ADAMTS19: variants seen among roughly 807,000 people sequenced by gnomAD.
ADAMTS19 encodes A disintegrin and metalloproteinase with thrombospondin motifs 19.
In ADAMTS19, 93 loss-of-function variants were observed where a neutral mutation model predicts 153.3. The ratio of observed to expected loss-of-function variants is 0.61; its 90% CI spans 0.51 to 0.72. The LOEUF is 0.72. Ranked by LOEUF, ADAMTS19 falls within the 30% of genes least tolerant of loss-of-function variation. ADAMTS19 has a pLI of 0.00. For synonymous variants in ADAMTS19, 600 were observed against 556.6 expected (o/e 1.08, Z -1.10); for missense variants, 1,482 against 1,552.1 (o/e 0.95, Z 0.76).
At chr5:129,648,706 G>T (rs1464022861) in intron 12 of ADAMTS19, 92 bp from the exon 13 acceptor site, 1 of 992,294 alleles carries the variant, frequency 1.0e-6, no homozygotes. Context: ...AATATAAGGG[G>T]TTATATATTA....
In ADAMTS19 at chr5:129,602,824, C is replaced by CTGTGTG. The variant is rs763032232; in HGVS notation, c.1478+6161_1478+6162insGTGTGT. On this transcript the variant is annotated intron_variant, in intron 8 of 22. Transcript: ENST00000274487. The stretch of plus-strand genomic sequence containing the variant: ...CATTTTTGTATTGTTGTCTTATATT[C>CTGTGTG]TCTGTGTGTGTGTGTGTGTGTGTGT... Among the ~76,000 whole-genome samples the CTGTGTG allele has an allele frequency of 8.0e-5, 9 of 111,960 alleles. No individual in the cohort carries two copies. In the East Asian group the frequency reaches 9.9e-4, roughly 12 times the overall value. The allele number at this position is 111,960 out of a possible 152,430, so 73.5% of individuals were successfully genotyped here. A position where few individuals can be genotyped will look rare whatever the true frequency, so the allele number is the denominator to read the frequency against.
At chr5:129,534,340 C>T (rs1432599623) in intron 6 of ADAMTS19, among the ~76,000 whole-genome samples, 1 of 152,094 alleles carries the variant, frequency 6.6e-6, no homozygotes, top group Non-Finnish European at 1.5e-5. Context: ...TGGATAAATT[C>T]CTCGACGCAT....
At chr5:129,470,508 G>T (rs1487563440) in intron 2 of ADAMTS19, among the ~76,000 whole-genome samples, 2 of 152,284 alleles carry the variant, frequency 1.3e-5, no homozygotes, top group South Asian at 2.1e-4. Flanking sequence ...TGCATTTAGG[G>T]TGCAGCTATA....
At chr5:129,580,644 G>T (rs532406877) in intron 7 of ADAMTS19, among the ~76,000 whole-genome samples, 1 of 152,112 alleles carries the variant, frequency 6.6e-6, no homozygotes, top group Non-Finnish European at 1.5e-5. Context: ...CAGCATGAAG[G>T]GGTGTTGAAT....
At chr5:129,545,047 G>A (rs991756313) in intron 6 of ADAMTS19, among the ~76,000 whole-genome samples, 9 of 151,902 alleles carry the variant, frequency 5.9e-5, no homozygotes, top group Non-Finnish European at 7.4e-5. Flanking sequence ...ATTCCAAAAT[G>A]ACCAATGATA....
intron 7 of ADAMTS19, among the ~76,000 whole-genome samples, chr5:129,579,850 A>G (rs2126883086): frequency 1.3e-5 from 2 of 152,216 alleles, no homozygotes; most frequent in East Asian, 3.9e-4. Context: ...CTTCTAGTAT[A>G]GTTTGAAGAC....
chr5:129,725,955 G>A lies in ADAMTS19; in HGVS notation c.3313-8977G>A, dbSNP rs558490741. On this transcript the variant is annotated intron_variant, in intron 21 of 22. Coordinates refer to ENST00000274487, the MANE Select transcript of ADAMTS19 (RefSeq NM_133638.6). ...AGATTTAATTGATGAATATCACTAC[G>A]GCAATGGAACAAATTTTGCTTTCAG... 1.3e-3 allele frequency among the ~76,000 whole-genome samples: 197 copies of A among 152,086 alleles called. 1 individual carries two copies. Among genetic ancestry groups the A allele is most frequent in the African/African-American group, 4.6e-3 (192 of 41,502 alleles).
At chr5:129,707,924 C>A (rs1369368794) in intron 21 of ADAMTS19, among the ~76,000 whole-genome samples, 2 of 152,184 alleles carry the variant, frequency 1.3e-5, no homozygotes, top group Non-Finnish European at 2.9e-5. Context: ...AAAGAAAATA[C>A]ATCCTTAGAT....
At chr5:129,572,618 A>T (rs2126866821) in intron 7 of ADAMTS19, among the ~76,000 whole-genome samples, 1 of 152,094 alleles carries the variant, frequency 6.6e-6, no homozygotes, top group Middle Eastern at 3.4e-3. Context: ...GATCCATCTA[A>T]CTGCTTGGAA....
chr5:129,530,865 T>G (rs1439565516), intron 6 of ADAMTS19, among the ~76,000 whole-genome samples: 1 of 148,754 alleles, frequency 6.7e-6, no homozygotes, highest in Non-Finnish European at 1.5e-5. Flanking sequence ...AAAGAAAAAA[T>G]GTCTCTTATT....
intron 2 of ADAMTS19, among the ~76,000 whole-genome samples, chr5:129,479,957 A>G (rs1412668924): frequency 2.6e-5 from 4 of 152,174 alleles, no homozygotes; most frequent in African/African-American, 9.6e-5. Flanking sequence ...AAATTGACAA[A>G]TATGTTTATA....
At chr5:129,473,412 T>C (rs1750129740) in intron 2 of ADAMTS19, among the ~76,000 whole-genome samples, 1 of 152,134 alleles carries the variant, frequency 6.6e-6, no homozygotes, top group African/African-American at 2.4e-5. Flanking sequence ...CAGAGGAAAT[T>C]GTGTATACTT....
rs1430113061 is a variant in ADAMTS19, at chr5:129,633,853, G to A, written c.1771-8006G>A. Among the ~76,000 whole-genome samples the A allele has an allele frequency of 2.0e-5, 3 of 152,102 alleles. 1 individual carries two copies. The highest frequency in any genetic ancestry group is 4.4e-5 in the Non-Finnish European group (3 of 68,016). On this transcript the variant is annotated intron_variant, in intron 10 of 22. Transcript: ENST00000274487. The stretch of plus-strand genomic sequence containing the variant: ...GGTCAGTTGCCAAGGGGAGACTTAA[G>A]CTCTTCTAATTCTATTCCCTCTGGA...
chr5:129,708,590 CAAAAAAAAAAAAAAA>C, intron 21 of ADAMTS19, among the ~76,000 whole-genome samples: 1 of 61,814 alleles, frequency 1.6e-5, no homozygotes, highest in Non-Finnish European at 2.9e-5. Context: ...AGCAGAGAAG[CAAAAAAAAAAAAAAA>C]AAAAAAAAAG....
intron 21 of ADAMTS19, among the ~76,000 whole-genome samples, chr5:129,710,050 T>C (rs114272620): frequency 0.035 from 5,338 of 152,082 alleles, 292 homozygotes; most frequent in African/African-American, 0.12. Context: ...GCCATACTGG[T>C]TTGCCGCACT....
intron 21 of ADAMTS19, among the ~76,000 whole-genome samples, chr5:129,727,078 G>T (rs927187323): frequency 6.6e-6 from 1 of 152,066 alleles, no homozygotes; most frequent in African/African-American, 2.4e-5. Context: ...TGTTGTTAGG[G>T]TTATGAGAAA....
chr5:129,551,877 G>C lies in ADAMTS19; in HGVS notation c.1342G>C (p.Val448Leu). 6.3e-7 allele frequency: 1 copy of C among 1,577,280 alleles called. No homozygotes were observed. Among genetic ancestry groups the C allele is most frequent in the Non-Finnish European group, 8.6e-7 (1 of 1,163,572 alleles). The change falls in exon 7 of 23, where the codon GTG becomes CTG. Residue 448 changes from valine to leucine, a missense_variant. Val to Leu is a conservative substitution (Grantham distance 32). Around this residue, in one of 2 missense-constraint regions of ADAMTS19, gnomAD observed 866 missense variants for 827.7 expected, o/e 1.05. Coordinates refer to ENST00000274487, the MANE Select transcript of ADAMTS19 (RefSeq NM_133638.6). ...TTTTCTTTCTAGGAAAGATTTCTGT[G>C]TGCACAAAGATGAACCATGTGATAC... ...AILITRKDFCVHKDEPCDTVG... is the reference protein window; with the variant it reads ...AILITRKDFCLHKDEPCDTVG...
intron 7 of ADAMTS19, among the ~76,000 whole-genome samples, chr5:129,579,405 G>A (rs1360715658): frequency 6.6e-6 from 1 of 152,114 alleles, no homozygotes; most frequent in Non-Finnish European, 1.5e-5. Context: ...TCACTCTGAT[G>A]GTAGTTTCTT....
At chr5:129,585,368 C>T (rs2126894930) in intron 7 of ADAMTS19, among the ~76,000 whole-genome samples, 1 of 151,930 alleles carries the variant, frequency 6.6e-6, no homozygotes, top group South Asian at 2.1e-4. Flanking sequence ...ACCCTCCAGT[C>T]TTTTTCTTTC....
Sources: allele counts gnomAD v4.1 joint callset (sites outside exome capture counted in the v4.1 genomes callset), GRCh38; gene constraint gnomAD v4.1.1; regional missense constraint gnomAD v4.1.1; transcripts MANE v1.5; gene names NCBI Gene and HGNC (gene_info 2026-07-23, HGNC 2026-07-21).